The following HNF4G variants were observed in gnomAD, a reference collection of about 807,000 sequenced individuals.
HNF4G encodes hepatocyte nuclear factor 4-gamma.
HNF4G carries 21 observed loss-of-function variants against 50.9 expected under a neutral mutation model. That is an observed-to-expected ratio of 0.41 (90% CI 0.29 to 0.59). The LOEUF (loss-of-function observed/expected upper bound fraction) is 0.59, where lower values mean the gene tolerates loss of function less well. Among genes scored for constraint, HNF4G ranks in the 20% least tolerant of loss-of-function variants. The pLI is 0.26. For missense variants in HNF4G, 527 were observed against 559.4 expected (o/e 0.94, Z 0.58); for synonymous variants, 198 against 185.6 (o/e 1.07, Z -0.54).
chr8:75,537,242 T>G (rs1419680548), upstream of HNF4G, among the ~76,000 whole-genome samples: 1 of 151,848 alleles, frequency 6.6e-6, no homozygotes, highest in Non-Finnish European at 1.5e-5. Context: ...TTATTTTATT[T>G]TATTTTATTT....
intron 2 of HNF4G, among the ~76,000 whole-genome samples, chr8:75,508,021 A>G (rs562166679): frequency 6.6e-6 from 1 of 151,674 alleles, no homozygotes; most frequent in Non-Finnish European, 1.5e-5. Flanking sequence ...ATAATTTTGA[A>G]AAAAAAAAGA....
chr8:75,479,170 T>C (rs1812314064), intron 1 of HNF4G, among the ~76,000 whole-genome samples: 1 of 152,218 alleles, frequency 6.6e-6, no homozygotes, highest in South Asian at 2.1e-4. Flanking sequence ...AAGAGATAGA[T>C]TGGCCTCTTA....
intron 1 of HNF4G, among the ~76,000 whole-genome samples, chr8:75,478,668 A>G (rs1812297802): frequency 6.6e-6 from 1 of 152,072 alleles, no homozygotes; most frequent in Admixed American, 6.6e-5. Context: ...TACCTTTTTG[A>G]GACTTAGTTT....
intron 1 of HNF4G, among the ~76,000 whole-genome samples, chr8:75,468,780 T>C (rs1195435023): frequency 2.0e-5 from 3 of 152,230 alleles, no homozygotes; most frequent in African/African-American, 7.2e-5. Context: ...AATTTACTCA[T>C]TAACCGTTCC....
chr8:75,465,722 A>G (rs1811953744), intron 1 of HNF4G, among the ~76,000 whole-genome samples: 1 of 152,164 alleles, frequency 6.6e-6, no homozygotes, highest in African/African-American at 2.4e-5. Context: ...CAAGAAAGTG[A>G]AAGCAAAGAA....
At chr8:75,527,538 CAT>C (rs1163158033) in intron 2 of HNF4G, among the ~76,000 whole-genome samples, 1 of 152,162 alleles carries the variant, frequency 6.6e-6, no homozygotes, top group African/African-American at 2.4e-5. Flanking sequence ...TATACACAGA[CAT>C]ACACACATCC....
At chr8:75,442,548 G>A (rs898714963) in intron 1 of HNF4G, among the ~76,000 whole-genome samples, 8 of 151,704 alleles carry the variant, frequency 5.3e-5, no homozygotes, top group African/African-American at 1.9e-4. Context: ...TCTCCAGCTT[G>A]GGCAACAGAG....
At chr8:75,440,096 A>G (rs2130543808) in intron 1 of HNF4G, among the ~76,000 whole-genome samples, 1 of 152,282 alleles carries the variant, frequency 6.6e-6, no homozygotes, top group Non-Finnish European at 1.5e-5. Context: ...TGTCAATGCA[A>G]TCCTTTTCAG....
At chr8:75,533,944 A>G (rs1585930445) in intron 2 of HNF4G, among the ~76,000 whole-genome samples, 3 of 152,012 alleles carry the variant, frequency 2.0e-5, no homozygotes, top group Admixed American at 2.0e-4. Context: ...TCCAGATGCT[A>G]AAGTGTATGT....
At position 75,517,984 on chromosome 8, in the gene HNF4G, T is replaced by TC. The variant is rs1805938170; in HGVS notation, c.-23-25827_-23-25826insC. ...GGCAGGTTCTAAACCTCAATTCTTT[T>TC]TTTTTTAATTATTATTATTATACTT... On this transcript the variant is annotated intron_variant, in intron 2 of 10. Coordinates refer to the HNF4G transcript ENST00000354370. 4.6e-5 allele frequency among the ~76,000 whole-genome samples: 7 copies of TC among 151,674 alleles called. No individual in the cohort carries two copies. In the South Asian group the frequency reaches 1.5e-3, roughly 32 times the overall value.
At chr8:75,551,590 C>A (rs1199475001) in intron 4 of HNF4G, 96 bp downstream of exon 4, 6 of 697,346 alleles carry the variant, frequency 8.6e-6, no homozygotes, top group South Asian at 1.8e-5. Context: ...CAAAGGTGCT[C>A]ATTACTAAAA....
intron 1 of HNF4G, among the ~76,000 whole-genome samples, chr8:75,455,587 TGTGA>T (rs1257559143): frequency 6.6e-6 from 1 of 152,184 alleles, no homozygotes; most frequent in African/African-American, 2.4e-5. Context: ...AAATGAAATG[TGTGA>T]GTAATTAAGA....
intron 1 of HNF4G, among the ~76,000 whole-genome samples, chr8:75,456,916 A>G (rs1328793581): frequency 6.6e-6 from 1 of 151,954 alleles, no homozygotes; most frequent in South Asian, 2.1e-4. Flanking sequence ...AAATAAAAAA[A>G]AAATTATTTG....
intron 8 of HNF4G, among the ~76,000 whole-genome samples, chr8:75,559,273 G>GTT (rs1253961624): frequency 3.4e-5 from 1 of 29,186 alleles, no homozygotes; most frequent in South Asian, 8.3e-4. Context: ...CGTTTTTTTT[G>GTT]TTTGTTTTTT....
chr8:75,415,787 G>A (rs549714710), intron 1 of HNF4G, among the ~76,000 whole-genome samples: 34 of 152,022 alleles, frequency 2.2e-4, no homozygotes, highest in African/African-American at 7.7e-4. Context: ...GTTGGGGGGT[G>A]GGGGGCATGT....
chr8:75,467,219 A>G (rs577546370), intron 1 of HNF4G, among the ~76,000 whole-genome samples: 1 of 152,266 alleles, frequency 6.6e-6, no homozygotes, highest in African/African-American at 2.4e-5. Context: ...TTATTTATTT[A>G]TTCAAGAAAT....
At chr8:75,485,351 G>A (rs528582820) in intron 1 of HNF4G, among the ~76,000 whole-genome samples, 14 of 152,190 alleles carry the variant, frequency 9.2e-5, no homozygotes, top group African/African-American at 3.4e-4. Flanking sequence ...GAGAAAAGTT[G>A]ATCACTATCT....
Position 75,564,223 on chromosome 8 carries a change from T to C in HNF4G, c.*127T>C, listed in dbSNP as rs991188755. On this transcript the variant is annotated 3_prime_UTR_variant, in exon 10 of 10. Coordinates refer to ENST00000396423, the MANE Select transcript of HNF4G (RefSeq NM_004133.5). ...TCATTGGTGCTGTTATAAGATGGTG[T>C]CCTATTTTCTTGTTTATACGTTCAT... 2.2e-6 allele frequency: 2 copies of C among 898,000 alleles called. No homozygotes were observed. The highest frequency in any genetic ancestry group is 2.5e-5 in the Admixed American group (1 of 40,064). The allele number at this position is 898,000 out of a possible 1,614,324, so 55.6% of individuals were successfully genotyped here. A position where few individuals can be genotyped will look rare whatever the true frequency, so the allele number is the denominator to read the frequency against.
chr8:75,541,317 A>G (rs2130784594), intron 1 of HNF4G, among the ~76,000 whole-genome samples: 1 of 152,288 alleles, frequency 6.6e-6, no homozygotes, highest in South Asian at 2.1e-4. Flanking sequence ...TGTTGTCAGC[A>G]ATATGTAAGT....
Sources: allele counts gnomAD v4.1 joint callset (sites outside exome capture counted in the v4.1 genomes callset), GRCh38; gene constraint gnomAD v4.1.1; transcripts MANE v1.5; gene names NCBI Gene and HGNC (gene_info 2026-07-23, HGNC 2026-07-21).